FRMD6: variants seen among roughly 807,000 people sequenced by gnomAD.
FRMD6 encodes the protein FERM domain-containing protein 6.
FRMD6 carries 37 observed loss-of-function variants against 73.2 expected under a neutral mutation model. The ratio of observed to expected loss-of-function variants is 0.51; its 90% CI spans 0.39 to 0.66. The LOEUF (loss-of-function observed/expected upper bound fraction) is 0.66, where lower values mean the gene tolerates loss of function less well. Ranked by LOEUF, FRMD6 falls within the 30% of genes least tolerant of loss-of-function variation. The pLI is 0.00. For missense variants in FRMD6, 714 were observed against 780.5 expected, an observed-to-expected ratio of 0.91 and a Z score of 1.02; for synonymous variants, 273 against 282.2, an observed-to-expected ratio of 0.97 and a Z score of 0.33.
chr14:51,656,212 A>G (rs1331592177), intron 1 of FRMD6, among the ~76,000 whole-genome samples: 4 of 152,198 alleles, frequency 2.6e-5, no homozygotes, highest in African/African-American at 7.2e-5. Flanking sequence ...CATGCAGTAT[A>G]TATACCATAT....
chr14:51,573,901 G>A (rs928545480), intron 2 of FRMD6, among the ~76,000 whole-genome samples: 10 of 152,172 alleles, frequency 6.6e-5, no homozygotes, highest in Admixed American at 3.3e-4. Flanking sequence ...GACAACTAGG[G>A]ATATTTAGGG....
rs549602598 is a variant in FRMD6, at chr14:51,720,285, C to G, written c.1255C>G (p.Arg419Gly). ...EDSYSSSAIH[R>G]KLKTCSSMTS... The stretch of plus-strand genomic sequence containing the variant: ...CAGCTACTCCAGCAGTGCCATCCAC[C>G]GCAAGCTGAAAACCTGCAGCTCAAT... The change falls in exon 11 of 14, where the codon CGC becomes GGC. Residue 419 changes from arginine (R) to glycine (G), a missense_variant. Physicochemically the swap from Arg to Gly is moderately radical, Grantham distance 125. Coordinates refer to ENST00000344768, the MANE Select transcript of FRMD6 (RefSeq NM_001267046.2). 3 of 1,613,972 alleles carry G rather than the reference C, an allele frequency of 1.9e-6. No individual in the cohort carries two copies. The highest frequency in any genetic ancestry group is 2.5e-6 in the Non-Finnish European group (3 of 1,179,962).
At chr14:51,408,497 A>T in the FRMD6 span, among the ~76,000 whole-genome samples, 2 of 152,116 alleles carry the variant, frequency 1.3e-5, no homozygotes, top group East Asian at 3.9e-4. Flanking sequence ...TATTCTGGAT[A>T]ATTTCTTCTG....
intron 1 of FRMD6, among the ~76,000 whole-genome samples, chr14:51,547,408 C>G (rs770522608): frequency 1.8e-4 from 27 of 152,158 alleles, no homozygotes. Context: ...TGATTCCTAA[C>G]CCTCCTCATG....
intron 3 of FRMD6, among the ~76,000 whole-genome samples, chr14:51,699,664 G>A (rs1396903987): frequency 1.3e-5 from 2 of 151,972 alleles, no homozygotes; most frequent in East Asian, 1.9e-4. Flanking sequence ...AGCTTTGCAG[G>A]ATTAATGTGC....
At chr14:51,417,689 T>A in the FRMD6 span, among the ~76,000 whole-genome samples, 1 of 152,198 alleles carries the variant, frequency 6.6e-6, no homozygotes, top group African/African-American at 2.4e-5. Flanking sequence ...TGAATTTGAA[T>A]GTTGGCCTGT....
chr14:51,529,072 G>C (rs1180662936), intron 1 of FRMD6, among the ~76,000 whole-genome samples: 7 of 152,270 alleles, frequency 4.6e-5, no homozygotes, highest in Non-Finnish European at 1.0e-4. Flanking sequence ...ATGAATAGTT[G>C]GTCTTGGGGG....
At chr14:51,522,892 A>G (rs561109851) in intron 1 of FRMD6, 3 of 152,346 alleles carry the variant, frequency 2.0e-5, no homozygotes, top group Non-Finnish European at 2.9e-5. Flanking sequence ...TGTGTACTCA[A>G]TTGGAACAAT....
rs142614384 is a variant in FRMD6, at chr14:51,692,420, A to G, written c.99+2485A>G. The stretch of plus-strand genomic sequence containing the variant: ...ATATACATAATCTAGGACATATAGC[A>G]TAAGCACTTAAGAAACTTCTCTCAC... On this transcript the variant is annotated intron_variant, in intron 2 of 13. Transcript: ENST00000344768. 3.2e-3 allele frequency among the ~76,000 whole-genome samples: 489 copies of G among 152,280 alleles called. 4 individuals are homozygous for G. The highest frequency in any genetic ancestry group is 0.022 in the East Asian group (114 of 5,176).
At chr14:51,533,810 G>A (rs892020962) in intron 1 of FRMD6, among the ~76,000 whole-genome samples, 6 of 152,138 alleles carry the variant, frequency 3.9e-5, no homozygotes, top group African/African-American at 1.2e-4. Context: ...TTCAGAGAGC[G>A]TCTCTGGGTC....
the FRMD6 span, among the ~76,000 whole-genome samples, chr14:51,425,085 C>A: frequency 1.3e-5 from 2 of 152,176 alleles, no homozygotes; most frequent in East Asian, 3.9e-4. Flanking sequence ...GCATTTGCCC[C>A]CAGCCCTTTC....
intron 1 of FRMD6, among the ~76,000 whole-genome samples, chr14:51,507,162 A>T (rs978331925): frequency 4.0e-5 from 6 of 151,854 alleles, no homozygotes; most frequent in African/African-American, 1.4e-4. Flanking sequence ...TTCCACTAGG[A>T]GAAAGAGCAG....
At chr14:51,520,983 T>A (rs554977562) in intron 1 of FRMD6, among the ~76,000 whole-genome samples, 1 of 152,200 alleles carries the variant, frequency 6.6e-6, no homozygotes. Context: ...ATCTCAAAGA[T>A]ATTATGCTGA....
chr14:51,640,692 A>T (rs1005787215), intron 2 of FRMD6, among the ~76,000 whole-genome samples: 1 of 152,250 alleles, frequency 6.6e-6, no homozygotes, highest in Non-Finnish European at 1.5e-5. Context: ...AAAGTATAAA[A>T]ATAAGAAAAT....
At chr14:51,551,509 C>T (rs1886835519) in intron 1 of FRMD6, among the ~76,000 whole-genome samples, 3 of 152,230 alleles carry the variant, frequency 2.0e-5, no homozygotes, top group African/African-American at 4.8e-5. Context: ...CCAAGGTGGT[C>T]AGATTGCTTG....
At chr14:51,684,596 C>A (rs1172224912) in intron 1 of FRMD6, among the ~76,000 whole-genome samples, 2 of 152,132 alleles carry the variant, frequency 1.3e-5, no homozygotes, top group East Asian at 1.9e-4. Flanking sequence ...TAATTTTGCC[C>A]CCAGAGAACA....
intron 1 of FRMD6, among the ~76,000 whole-genome samples, chr14:51,671,507 T>G (rs1455229087): frequency 6.6e-6 from 1 of 152,170 alleles, no homozygotes; most frequent in Non-Finnish European, 1.5e-5. Flanking sequence ...CATACTAACA[T>G]GTTATAAGAT....
rs74545782 is a variant in FRMD6, at chr14:51,606,072, G to A, written c.-147+35662G>A. On this transcript the variant is annotated intron_variant, in intron 2 of 14. Coordinates refer to the FRMD6 transcript ENST00000356218. ...GTGTTCTCTCCAGGGTAAGGTAAGC[G>A]TTATCCTTTGCCATGCCTGTGCATC... Among the ~76,000 whole-genome samples, 30 of 152,284 alleles carry A rather than the reference G, an allele frequency of 2.0e-4. No homozygotes were observed. In the South Asian group the frequency reaches 2.3e-3, roughly 12 times the overall value.
chr14:51,634,118 T>C (rs80314685), intron 2 of FRMD6, among the ~76,000 whole-genome samples: 20 of 152,346 alleles, frequency 1.3e-4, no homozygotes, highest in Admixed American at 2.6e-4. Flanking sequence ...TACATTGAAA[T>C]GACTATATAA....
Sources: allele counts gnomAD v4.1 joint callset (sites outside exome capture counted in the v4.1 genomes callset), GRCh38; gene constraint gnomAD v4.1.1; transcripts MANE v1.5; gene names NCBI Gene and HGNC (gene_info 2026-07-23, HGNC 2026-07-21).